The following PDE1C variants were observed in gnomAD, a reference collection of about 807,000 sequenced individuals.
The protein encoded by PDE1C is dual specificity calcium/calmodulin-dependent 3',5'-cyclic nucleotide phosphodiesterase 1C.
Under a neutral mutation model 93.1 loss-of-function variants are expected in PDE1C, and 62 were observed. The ratio of observed to expected loss-of-function variants is 0.67; its 90% CI spans 0.54 to 0.82. The LOEUF (loss-of-function observed/expected upper bound fraction) is 0.82. Among genes scored for constraint, PDE1C ranks in the 40% least tolerant of loss-of-function variants. PDE1C has a pLI of 0.00. For missense variants in PDE1C, 742 were observed against 884.6 expected (o/e 0.84, Z 2.04); for synonymous variants, 325 against 310.1 (o/e 1.05, Z -0.50).
chr7:31,709,027 T>A, the PDE1C span, among the ~76,000 whole-genome samples: 1 of 152,162 alleles, frequency 6.6e-6, no homozygotes, highest in South Asian at 2.1e-4. Context: ...TACAGGTCTA[T>A]GGATAAGAGG....
At chr7:31,887,229 T>G (rs935651343) in intron 2 of PDE1C, among the ~76,000 whole-genome samples, 11 of 152,208 alleles carry the variant, frequency 7.2e-5, no homozygotes, top group African/African-American at 2.7e-4. Context: ...TAAGAATTTC[T>G]GGGAAAGACA....
At chr7:31,875,795 A>ATATATC (rs1490121694) in intron 5 of PDE1C, among the ~76,000 whole-genome samples, 1 of 41,566 alleles carries the variant, frequency 2.4e-5, no homozygotes, top group African/African-American at 1.1e-4. Flanking sequence ...GCTTACATCT[A>ATATATC]TATATATATA....
At chr7:31,674,348 C>T in the PDE1C span, among the ~76,000 whole-genome samples, 337 of 152,192 alleles carry the variant, frequency 2.2e-3, 2 homozygotes, top group African/African-American at 7.6e-3. Flanking sequence ...CATGATAAAA[C>T]CTGAGTAGTA....
chr7:32,070,637 C>A, upstream of PDE1C: 1 of 1,394,212 alleles, frequency 7.2e-7, no homozygotes, highest in Non-Finnish European at 9.3e-7. Flanking sequence ...CGGGCTAATG[C>A]CCAGGGATAA....
chr7:32,339,544 CA>C (rs983704359), intron 1 of PDE1C, among the ~76,000 whole-genome samples: 1 of 151,848 alleles, frequency 6.6e-6, no homozygotes, highest in Non-Finnish European at 1.5e-5. Flanking sequence ...TTTTAATAAT[CA>C]AAAAATGAAG....
intron 1 of PDE1C, among the ~76,000 whole-genome samples, chr7:32,220,670 T>G (rs1806786823): frequency 6.6e-6 from 1 of 151,906 alleles, no homozygotes; most frequent in Non-Finnish European, 1.5e-5. Context: ...ATAAAAAAAA[T>G]AGCTGGGCAT....
intron 1 of PDE1C, among the ~76,000 whole-genome samples, chr7:32,374,184 AAGAAAGAAAG>A: frequency 7.9e-6 from 1 of 126,174 alleles, no homozygotes; most frequent in Admixed American, 7.7e-5. Context: ...GAAAGAAAGA[AAGAAAGAAAG>A]AGAGGGAAAG....
At chr7:31,780,796 TG>T (rs1339622619) in intron 16 of PDE1C, among the ~76,000 whole-genome samples, 1 of 109,424 alleles carries the variant, frequency 9.1e-6, no homozygotes, top group East Asian at 2.4e-4. Flanking sequence ...TGTGTGCACG[TG>T]TGCATTTGTG....
chr7:31,753,353 C>T lies in PDE1C; in HGVS notation c.*31G>A. ...GTGCTGAGAAGCAGATAGGTAGACC[C>T]TCCTTCACTCCCTCTCTTCTTCCCC... On this transcript the variant is annotated 3_prime_UTR_variant, in exon 18 of 18. Coordinates refer to ENST00000396191, the MANE Select transcript of PDE1C (RefSeq NM_001191057.4). 5.0e-6 allele frequency: 8 copies of T among 1,598,386 alleles called. No individual in the cohort carries two copies. The highest frequency in any genetic ancestry group is 6.0e-6 in the Non-Finnish European group (7 of 1,172,630).
intron 9 of PDE1C, among the ~76,000 whole-genome samples, chr7:31,847,036 C>T (rs1225744203): frequency 2.0e-5 from 3 of 152,098 alleles, no homozygotes; most frequent in Non-Finnish European, 4.4e-5. Context: ...AATATGAGGA[C>T]TATTTGAGTC....
At chr7:31,897,053 T>C (rs1799403250) in intron 2 of PDE1C, among the ~76,000 whole-genome samples, 1 of 152,258 alleles carries the variant, frequency 6.6e-6, no homozygotes, top group Non-Finnish European at 1.5e-5. Flanking sequence ...TTTACACTGA[T>C]GTGCGCTTAG....
In PDE1C at chr7:31,878,988, A is replaced by G; in HGVS notation, c.425+8T>C. On this transcript the variant is annotated splice_region_variant and intron_variant, in intron 4 of 17. Transcript: ENST00000396191. ...TAGTCACTAAATGACAATGAATGACATCTTTACCTCTCCACAAATATCCCA... is the reference window on the plus strand; with the variant it reads ...TAGTCACTAAATGACAATGAATGACGTCTTTACCTCTCCACAAATATCCCA... 2 of 1,612,142 alleles carry G rather than the reference A, an allele frequency of 1.2e-6. No homozygotes were observed. Among genetic ancestry groups the G allele is most frequent in the Non-Finnish European group, 8.5e-7 (1 of 1,178,356 alleles).
At chr7:31,790,700 G>A (rs188889633) in intron 16 of PDE1C, among the ~76,000 whole-genome samples, 2 of 152,190 alleles carry the variant, frequency 1.3e-5, no homozygotes, top group Admixed American at 1.3e-4. Context: ...CCCACCCTCA[G>A]AAGTTTCCCA....
intron 2 of PDE1C, among the ~76,000 whole-genome samples, chr7:32,204,461 G>A (rs528754379): frequency 1.0e-3 from 158 of 152,270 alleles, no homozygotes; most frequent in African/African-American, 3.7e-3. Context: ...GAGCTCTGTG[G>A]GCACTGTCTC....
intron 9 of PDE1C, among the ~76,000 whole-genome samples, chr7:31,844,738 C>G (rs913137824): frequency 1.3e-5 from 2 of 151,932 alleles, no homozygotes; most frequent in African/African-American, 4.8e-5. Flanking sequence ...CTTTCCCATT[C>G]TCTCTCTTTT....
intron 1 of PDE1C, among the ~76,000 whole-genome samples, chr7:32,417,008 C>T (rs570432774): frequency 1.3e-5 from 2 of 152,264 alleles, no homozygotes; most frequent in South Asian, 4.1e-4. Flanking sequence ...GCCTGGCTCT[C>T]CCAGCCGACA....
intron 2 of PDE1C, among the ~76,000 whole-genome samples, chr7:32,206,279 G>C (rs10257325): frequency 0.34 from 51,668 of 151,838 alleles, 9,407 homozygotes; most frequent in Admixed American, 0.46. Context: ...AGAGGAGCAG[G>C]GGGAAAGGAG....
At chr7:31,695,388 T>C in the PDE1C span, 7 of 1,308,276 alleles carry the variant, frequency 5.4e-6, no homozygotes, top group South Asian at 1.1e-4. Flanking sequence ...TGTCATCAAG[T>C]GCAATTAGGA....
At chr7:31,616,835 TTATCAGA>T in the PDE1C span, among the ~76,000 whole-genome samples, 1 of 151,964 alleles carries the variant, frequency 6.6e-6, no homozygotes, top group Non-Finnish European at 1.5e-5. Flanking sequence ...ATTCAAACAA[TTATCAGA>T]TATCCAAACC....
Sources: allele counts gnomAD v4.1 joint callset (sites outside exome capture counted in the v4.1 genomes callset), GRCh38; gene constraint gnomAD v4.1.1; transcripts MANE v1.5; gene names NCBI Gene and HGNC (gene_info 2026-07-23, HGNC 2026-07-21).